LIPA: variants seen among roughly 807,000 people sequenced by gnomAD.
LIPA encodes lipase A, lysosomal acid type.
A neutral mutation model predicts 40.6 loss-of-function variants in LIPA; 26 were observed. The ratio of observed to expected loss-of-function variants is 0.64; its 90% confidence interval spans 0.47 to 0.89. The LOEUF (loss-of-function observed/expected upper bound fraction) is 0.89, where lower values mean the gene tolerates loss of function less well. Among genes scored for constraint, LIPA ranks in the 40% least tolerant of loss-of-function variants. The probability of loss-of-function intolerance (pLI) is 0.00; values close to 1 mark genes in which losing one functional copy is unlikely to be tolerated. For synonymous variants in LIPA, 188 were observed against 168.4 expected (o/e 1.12, Z -0.90); for missense variants, 455 against 479.6 (o/e 0.95, Z 0.48).
intron 1 of LIPA, among the ~76,000 whole-genome samples, chr10:89,288,021 G>A (rs1843350959): frequency 1.3e-5 from 2 of 152,042 alleles, no homozygotes; most frequent in African/African-American, 4.8e-5. Context: ...CACTTGGACT[G>A]ACCCCGACAC....
chr10:89,413,482 T>C (rs1339316876), intron 1 of LIPA, among the ~76,000 whole-genome samples: 1 of 152,200 alleles, frequency 6.6e-6, no homozygotes, highest in Non-Finnish European at 1.5e-5. Context: ...TAGTGGCTCA[T>C]GCCTGTAATC....
chr10:89,214,686 G>A lies in LIPA; in HGVS notation c.*142C>T, dbSNP rs1418292949. 3.1e-6 allele frequency: 2 copies of A among 636,104 alleles called. No individual in the cohort carries two copies. The highest frequency in any genetic ancestry group is 1.8e-5 in the African/African-American group (1 of 54,428). The allele number at this position is 636,104 out of a possible 1,614,324, so 39.4% of individuals were successfully genotyped here. A position where few individuals can be genotyped will look rare whatever the true frequency, so the allele number is the denominator to read the frequency against. On this transcript the variant is annotated 3_prime_UTR_variant, in exon 10 of 10. Transcript: ENST00000336233. ...TCTAATTGAAACTAGAGTGAACTGG[G>A]CATCTTCAAAGTTATCATTTTCTTG...
At chr10:89,299,994 T>G (rs1256874217) in intron 1 of LIPA, among the ~76,000 whole-genome samples, 1 of 152,180 alleles carries the variant, frequency 6.6e-6, no homozygotes, top group African/African-American at 2.4e-5. Context: ...CTATTCATAA[T>G]AGCAAAGATA....
chr10:89,287,537 C>T (rs1369814710), intron 1 of LIPA, among the ~76,000 whole-genome samples: 1 of 152,086 alleles, frequency 6.6e-6, no homozygotes, highest in Non-Finnish European at 1.5e-5. Context: ...TTCTTCCCAA[C>T]CCAAAGCCTC....
chr10:89,368,442 G>T (rs1844073422), intron 2 of LIPA, among the ~76,000 whole-genome samples: 1 of 152,062 alleles, frequency 6.6e-6, no homozygotes, highest in Admixed American at 6.5e-5. Flanking sequence ...TTCCAAAGAG[G>T]ACTTCCACAA....
In LIPA at chr10:89,214,578, A is replaced by C; in HGVS notation, c.*250T>G. 4.7e-6 allele frequency: 2 copies of C among 429,626 alleles called. No homozygotes were observed. The highest frequency in any genetic ancestry group is 8.4e-6 in the Non-Finnish European group (2 of 237,594). The allele number at this position is 429,626 out of a possible 1,614,324, so 26.6% of individuals were successfully genotyped here. On this transcript the variant is annotated 3_prime_UTR_variant, in exon 10 of 10. Coordinates refer to ENST00000336233, the MANE Select transcript of LIPA (RefSeq NM_000235.4). ...ACCTTTTTACACATCAGTGATATTT[A>C]AAAGACTTAAAGAGACAATACTATG... is the stretch of plus-strand genomic sequence containing the variant.
chr10:89,307,536 G>A, intron 1 of LIPA: 1 of 608,450 alleles, frequency 1.6e-6, no homozygotes, highest in Non-Finnish European at 2.8e-6. Flanking sequence ...GAATTGCTGG[G>A]TCTTGAGAGA....
chr10:89,248,453 TTTATTTATTTATTTATTTA>T (rs1843066344), intron 1 of LIPA, among the ~76,000 whole-genome samples: 4 of 67,926 alleles, frequency 5.9e-5, no homozygotes, highest in Non-Finnish European at 9.2e-5. Flanking sequence ...TATTTATTTA[TTTATTTATTTATTTATTTA>T]TTTATTTATT....
At chr10:89,280,042 A>G (rs1031687884) in intron 1 of LIPA, among the ~76,000 whole-genome samples, 14 of 152,234 alleles carry the variant, frequency 9.2e-5, no homozygotes, top group African/African-American at 3.4e-4. Flanking sequence ...AAACATTAAA[A>G]TATGCCTATT....
At chr10:89,237,427 A>T (rs1842918410) in intron 3 of LIPA, among the ~76,000 whole-genome samples, 1 of 151,980 alleles carries the variant, frequency 6.6e-6, no homozygotes, top group South Asian at 2.1e-4. Flanking sequence ...CAGGTTTTTA[A>T]TGCAGATGAA....
intron 2 of LIPA, chr10:89,405,455 T>G (rs1212965016): frequency 6.6e-6 from 1 of 152,248 alleles, no homozygotes; most frequent in Admixed American, 6.5e-5. Context: ...TACTAGTTTC[T>G]TTTAGTGGCT....
chr10:89,270,123 A>G (rs1374633520), intron 1 of LIPA, among the ~76,000 whole-genome samples: 1 of 152,234 alleles, frequency 6.6e-6, no homozygotes, highest in Non-Finnish European at 1.5e-5. Context: ...TTCCTTGGAG[A>G]AAGTTGACAC....
At chr10:89,369,774 G>C (rs929036177) in intron 2 of LIPA, among the ~76,000 whole-genome samples, 5 of 152,190 alleles carry the variant, frequency 3.3e-5, no homozygotes, top group Admixed American at 3.3e-4. Flanking sequence ...CAGATCTTTT[G>C]AGTTTTTTAA....
At chr10:89,278,120 G>C (rs1383069935) in intron 1 of LIPA, 1 of 152,212 alleles carries the variant, frequency 6.6e-6, no homozygotes, top group Non-Finnish European at 1.5e-5. Context: ...GGACCAGCAA[G>C]AGGGACACAG....
intron 2 of LIPA, among the ~76,000 whole-genome samples, chr10:89,351,239 C>A (rs1397785124): frequency 6.6e-6 from 1 of 152,178 alleles, no homozygotes; most frequent in Non-Finnish European, 1.5e-5. Flanking sequence ...CGGCTTGAGC[C>A]CAGGAGGTTG....
chr10:89,228,476 C>A (rs750998597), intron 3 of LIPA, 78 bp from the exon 4 acceptor site: 5 of 1,168,102 alleles, frequency 4.3e-6, no homozygotes, highest in Non-Finnish European at 6.4e-6. Flanking sequence ...ATAGAACATT[C>A]GTAAAAGATC....
At chr10:89,392,810 T>A (rs1844276997) in intron 2 of LIPA, 2 of 1,331,004 alleles carry the variant, frequency 1.5e-6, no homozygotes, top group African/African-American at 2.9e-5. Context: ...CTCAGTGAGG[T>A]CAGGTTTTCT....
chr10:89,237,991 G>T (rs2133451458), intron 3 of LIPA, among the ~76,000 whole-genome samples: 1 of 152,314 alleles, frequency 6.6e-6, no homozygotes, highest in Middle Eastern at 3.4e-3. Context: ...AGGTCTGGAA[G>T]AATTACACCA....
At chr10:89,215,665 A>T (rs1377528750) in intron 9 of LIPA, among the ~76,000 whole-genome samples, 1 of 152,130 alleles carries the variant, frequency 6.6e-6, no homozygotes. Flanking sequence ...GGACTGTCTG[A>T]CTCTACAGGC....
Sources: gnomAD v4.1 joint callset for allele counts (sites outside exome capture counted in the v4.1 genomes callset) on GRCh38, gnomAD v4.1.1 for gene constraint, MANE v1.5 for transcripts, NCBI Gene and HGNC (gene_info 2026-07-23, HGNC 2026-07-21) for gene names.